Variants in CNTN5 observed in about 807,000 individuals in gnomAD.
CNTN5 encodes the protein contactin 5.
Under a neutral mutation model 129.1 loss-of-function variants are expected in CNTN5, and 77 were observed. The ratio of observed to expected loss-of-function variants is 0.60; its 90% confidence interval spans 0.50 to 0.72. The LOEUF (loss-of-function observed/expected upper bound fraction) is 0.72. CNTN5 is among the 30% of genes least tolerant of loss of function. CNTN5 has a pLI of 0.00. For missense variants in CNTN5, 1,478 were observed against 1,328.8 expected (o/e 1.11, Z -1.75); for synonymous variants, 509 against 465.6 (o/e 1.09, Z -1.20).
At chr11:100,285,067 T>C (rs1348420458) in intron 18 of CNTN5, among the ~76,000 whole-genome samples, 2 of 152,198 alleles carry the variant, frequency 1.3e-5, no homozygotes, top group Non-Finnish European at 2.9e-5. Context: ...TTTAAATGCA[T>C]GTAAAGAGCT....
rs917254212 is a variant in CNTN5, at chr11:99,845,198, T to C, written c.513T>C (p.Tyr171=). The C allele has an allele frequency of 1.2e-6, 2 of 1,613,636 alleles. No individual in the cohort carries two copies. The highest frequency in any genetic ancestry group is 1.7e-5 in the Admixed American group (1 of 59,994). Residue 171 remains tyrosine, a synonymous_variant, in exon 6 of 25, where the codon TAT becomes TAC. Transcript: ENST00000524871. ...GTGAAGCAAAGGATTCTGGTCATTA[T>C]CAGTGTTTAGCAACCAACACTGTGG... ...NPSEAKDSGH[Y]QCLATNTVGS...
At chr11:99,319,173 T>C (rs1040574289) in intron 1 of CNTN5, among the ~76,000 whole-genome samples, 1 of 152,222 alleles carries the variant, frequency 6.6e-6, no homozygotes, top group Non-Finnish European at 1.5e-5. Flanking sequence ...GGAAGGATTT[T>C]GTAAACTGAT....
At chr11:99,273,578 T>A (rs1863279746) in intron 1 of CNTN5, among the ~76,000 whole-genome samples, 1 of 151,780 alleles carries the variant, frequency 6.6e-6, no homozygotes, top group Non-Finnish European at 1.5e-5. Context: ...CACACGTTCA[T>A]GCTGTAAAAA....
chr11:99,542,650 T>C (rs190519912), intron 2 of CNTN5, among the ~76,000 whole-genome samples: 74 of 152,294 alleles, frequency 4.9e-4, no homozygotes, highest in African/African-American at 1.7e-3. Flanking sequence ...CAAATATTGC[T>C]AAATGTTCCC....
chr11:100,135,039 G>A (rs1226729074), intron 13 of CNTN5, among the ~76,000 whole-genome samples: 8 of 152,004 alleles, frequency 5.3e-5, no homozygotes, highest in Non-Finnish European at 1.0e-4. Flanking sequence ...TCATTTAGGG[G>A]TTTATTATTA....
In CNTN5 at chr11:99,973,083, G is replaced by A. The variant is rs558099592; in HGVS notation, c.877+16074G>A. On this transcript the variant is annotated intron_variant, in intron 8 of 24. Coordinates refer to ENST00000524871, the MANE Select transcript of CNTN5 (RefSeq NM_014361.4). ...GTGAATGAAAGGCGATAACAAAATC[G>A]TGTTGGAGGGAATCTCACTAAAAAT... Among the ~76,000 whole-genome samples, 153 of 151,934 alleles carry A rather than the reference G, an allele frequency of 1.0e-3. 1 individual carries two copies. In the Middle Eastern group the frequency reaches 0.017, roughly 17 times the overall value.
intron 2 of CNTN5, among the ~76,000 whole-genome samples, chr11:99,533,831 T>C (rs1947802927): frequency 6.6e-6 from 1 of 152,202 alleles, no homozygotes; most frequent in Non-Finnish European, 1.5e-5. Flanking sequence ...GGATAGAGAC[T>C]GAGATAGCCG....
At chr11:99,043,297 A>G (rs1274388636) in intron 1 of CNTN5, among the ~76,000 whole-genome samples, 1 of 48,960 alleles carries the variant, frequency 2.0e-5, no homozygotes, top group Non-Finnish European at 3.8e-5. Flanking sequence ...CCCCCACCCC[A>G]CCACAGTCCC....
intron 3 of CNTN5, among the ~76,000 whole-genome samples, chr11:99,673,577 C>T (rs1299722573): frequency 6.6e-6 from 1 of 152,056 alleles, no homozygotes; most frequent in Non-Finnish European, 1.5e-5. Context: ...GTTATTTTTG[C>T]TCATCCTCTC....
intron 3 of CNTN5, among the ~76,000 whole-genome samples, chr11:99,620,073 G>T (rs565821417): frequency 1.3e-5 from 2 of 149,308 alleles, no homozygotes; most frequent in South Asian, 4.3e-4. Flanking sequence ...AGGGCTCTAA[G>T]CAATGTTAAT....
At chr11:100,146,016 G>A (rs1946841415) in intron 13 of CNTN5, among the ~76,000 whole-genome samples, 1 of 152,172 alleles carries the variant, frequency 6.6e-6, no homozygotes, top group Non-Finnish European at 1.5e-5. Flanking sequence ...CAGGATGAGT[G>A]TTACAAGACT....
chr11:99,599,307 C>T (rs1430804989), intron 3 of CNTN5, among the ~76,000 whole-genome samples: 1 of 151,860 alleles, frequency 6.6e-6, no homozygotes, highest in South Asian at 2.1e-4. Context: ...TCATAGGTTG[C>T]TTATTGACAC....
chr11:99,251,850 T>A (rs569566315), intron 1 of CNTN5, among the ~76,000 whole-genome samples: 1 of 152,160 alleles, frequency 6.6e-6, no homozygotes, highest in African/African-American at 2.4e-5. Flanking sequence ...GAGAAGCTTT[T>A]GTGTCCTGTC....
chr11:100,015,033 T>A (rs1391843786), intron 9 of CNTN5, among the ~76,000 whole-genome samples: 1 of 152,196 alleles, frequency 6.6e-6, no homozygotes, highest in African/African-American at 2.4e-5. Flanking sequence ...CATCATCTGT[T>A]TGATTACCAT....
chr11:100,176,760 T>C lies in CNTN5; in HGVS notation c.1581-14366T>C, dbSNP rs555403973. Among the ~76,000 whole-genome samples, 211 of 152,156 alleles carry C rather than the reference T, an allele frequency of 1.4e-3. 6 individuals are homozygous for C. In the South Asian group the frequency reaches 0.04, roughly 29 times the overall value. On this transcript the variant is annotated intron_variant, in intron 13 of 24. Coordinates refer to ENST00000524871, the MANE Select transcript of CNTN5 (RefSeq NM_014361.4). ...ATGGAAGATGGAAGGGAGAAAATAG[T>C]ATAACATACTTGCTTTTAATTCTAA...
chr11:99,391,006 A>G (rs1941231428), intron 2 of CNTN5, among the ~76,000 whole-genome samples: 1 of 152,064 alleles, frequency 6.6e-6, no homozygotes, highest in African/African-American at 2.4e-5. Context: ...GATTTTAACT[A>G]AATAACTTCA....
intron 14 of CNTN5, among the ~76,000 whole-genome samples, chr11:100,191,599 A>G (rs1948495785): frequency 6.6e-6 from 1 of 152,096 alleles, no homozygotes; most frequent in South Asian, 2.1e-4. Flanking sequence ...TTTAGCATCA[A>G]TCACTAATAT....
chr11:99,215,699 A>G (rs1860080509), intron 1 of CNTN5, among the ~76,000 whole-genome samples: 1 of 152,172 alleles, frequency 6.6e-6, no homozygotes, highest in South Asian at 2.1e-4. Flanking sequence ...AGTACCTCAG[A>G]AAGGCAGCTA....
At chr11:99,262,428 T>A (rs1310005851) in intron 1 of CNTN5, among the ~76,000 whole-genome samples, 8 of 152,034 alleles carry the variant, frequency 5.3e-5, no homozygotes, top group African/African-American at 1.9e-4. Context: ...TGATTGAGCA[T>A]CTTCTACGGG....
Sources: allele counts gnomAD v4.1 joint callset (sites outside exome capture counted in the v4.1 genomes callset), GRCh38; gene constraint gnomAD v4.1.1; transcripts MANE v1.5; gene names NCBI Gene and HGNC (gene_info 2026-07-23, HGNC 2026-07-21).